Variants in DLGAP2 observed in about 807,000 individuals in gnomAD.
DLGAP2 encodes the protein DLG associated protein 2.
DLGAP2 carries 26 observed loss-of-function variants against 100.3 expected under a neutral mutation model. The ratio of observed to expected loss-of-function variants is 0.26; its 90% CI spans 0.19 to 0.36. The LOEUF is 0.36. DLGAP2 is among the 10% of genes least tolerant of loss of function. The pLI, the probability that DLGAP2 is intolerant of heterozygous loss-of-function variation, is 1.00. For missense variants in DLGAP2, 1,858 were observed against 1,453.2 expected (o/e 1.28, Z -4.53); for synonymous variants, 886 against 630.1 (o/e 1.41, Z -6.08).
At chr8:1,062,738 G>T (rs1383864476) in intron 2 of DLGAP2, among the ~76,000 whole-genome samples, 1 of 152,128 alleles carries the variant, frequency 6.6e-6, no homozygotes, top group Non-Finnish European at 1.5e-5. Context: ...GGGGTAGTTG[G>T]GGGGAGACTA....
intron 3 of DLGAP2, among the ~76,000 whole-genome samples, chr8:1,293,044 C>T (rs1563065444): frequency 6.6e-6 from 1 of 152,104 alleles, no homozygotes; most frequent in African/African-American, 2.4e-5. Flanking sequence ...CCTTTGAGTC[C>T]AAAGCAGCTG....
chr8:1,042,773 A>G (rs111742288), intron 2 of DLGAP2, among the ~76,000 whole-genome samples: 306 of 9,142 alleles, frequency 0.033, 6 homozygotes, highest in Admixed American at 0.065. Flanking sequence ...GATGTGGGTG[A>G]TGGATGTGGG....
intron 13 of DLGAP2, 88 bp from the exon 14 acceptor site, chr8:1,697,059 G>A: frequency 7.4e-7 from 1 of 1,350,336 alleles, no homozygotes; most frequent in Non-Finnish European, 9.7e-7. Context: ...TCCGCCTCTT[G>A]AAAGGCATGC....
rs182304376 is a variant in DLGAP2, at chr8:762,725, G to A, written c.18+24900G>A. 1.1e-4 allele frequency among the ~76,000 whole-genome samples: 17 copies of A among 152,006 alleles called. No homozygotes were observed. The East Asian group carries it at 2.0e-3, about 17-fold the overall frequency. On this transcript the variant is annotated intron_variant, in intron 1 of 14. Coordinates refer to ENST00000637795, the MANE Select transcript of DLGAP2 (RefSeq NM_001346810.2). ...CTCACTCTAGCCCAGGCTGGAGTGC[G>A]GTGGCACAGTCACCACAATCACAGC...
chr8:849,097 A>C (rs180856469), intron 1 of DLGAP2, among the ~76,000 whole-genome samples: 10 of 151,484 alleles, frequency 6.6e-5, no homozygotes, highest in Admixed American at 1.3e-4. Context: ...TGCATGTTCC[A>C]GTATAGGAAT....
intron 4 of DLGAP2, among the ~76,000 whole-genome samples, chr8:1,503,314 CA>C (rs2130332152): frequency 6.6e-6 from 1 of 151,576 alleles, no homozygotes; most frequent in African/African-American, 2.4e-5. Context: ...CTGGAACCCC[CA>C]TTCTGCTTTC....
chr8:1,514,802 G>T (rs1238853823), intron 4 of DLGAP2, among the ~76,000 whole-genome samples: 1 of 152,210 alleles, frequency 6.6e-6, no homozygotes, highest in Non-Finnish European at 1.5e-5. Context: ...GGACAGGAAA[G>T]GAAGGCCGGC....
chr8:1,210,976 G>A (rs1004237764), intron 2 of DLGAP2, among the ~76,000 whole-genome samples: 7 of 152,250 alleles, frequency 4.6e-5, no homozygotes, highest in Admixed American at 2.0e-4. Flanking sequence ...CCTCCCCAAC[G>A]TCCAGCGAGG....
At chr8:1,156,542 C>G (rs968287110) in intron 2 of DLGAP2, among the ~76,000 whole-genome samples, 1 of 152,174 alleles carries the variant, frequency 6.6e-6, no homozygotes, top group Non-Finnish European at 1.5e-5. Flanking sequence ...CCGACTCCCC[C>G]AAATCCCGGC....
chr8:1,288,743 GGTT>G (rs1308587828), intron 3 of DLGAP2, among the ~76,000 whole-genome samples: 12 of 145,344 alleles, frequency 8.3e-5, no homozygotes, highest in Admixed American at 6.2e-4. Flanking sequence ...GTGTGTGCGT[GGTT>G]GTTAGGAGGG....
chr8:852,377 G>A (rs1327979502), intron 1 of DLGAP2, among the ~76,000 whole-genome samples: 3 of 152,134 alleles, frequency 2.0e-5, no homozygotes, highest in Non-Finnish European at 4.4e-5. Flanking sequence ...TTTCACACGT[G>A]ATCTTCAGTT....
chr8:1,268,126 C>G (rs1799505902), intron 3 of DLGAP2, among the ~76,000 whole-genome samples: 1 of 152,104 alleles, frequency 6.6e-6, no homozygotes, highest in African/African-American at 2.4e-5. Context: ...AAATTTCTTT[C>G]TTTTTAAGAA....
At position 1,359,773 on chromosome 8, in the gene DLGAP2, C is replaced by G. The variant is rs138835277; in HGVS notation, c.106+100890C>G. Among the ~76,000 whole-genome samples the G allele has an allele frequency of 6.3e-4, 96 of 152,360 alleles. 1 individual carries two copies. The highest frequency in any genetic ancestry group is 5.0e-3 in the East Asian group (26 of 5,176). ...ATATTGGAGGGAGGGCATTAGTATT[C>G]CCTTGTTGTGATTTGGAAACTAAAT... is the stretch of plus-strand genomic sequence containing the variant. On this transcript the variant is annotated intron_variant, in intron 3 of 14. Coordinates refer to ENST00000637795, the MANE Select transcript of DLGAP2 (RefSeq NM_001346810.2).
chr8:1,577,567 C>CAAAAAAAAAA (rs10646663), intron 6 of DLGAP2, among the ~76,000 whole-genome samples: 2 of 105,818 alleles, frequency 1.9e-5, no homozygotes, highest in African/African-American at 7.9e-5. Flanking sequence ...CACTCTCTCT[C>CAAAAAAAAAA]AAAAAAAAAA....
intron 6 of DLGAP2, among the ~76,000 whole-genome samples, chr8:1,624,853 CT>C (rs1329520912): frequency 1.4e-5 from 2 of 144,554 alleles, no homozygotes; most frequent in Non-Finnish European, 3.0e-5. Flanking sequence ...CTTTCTCTCT[CT>C]CTCTCTCTCT....
intron 2 of DLGAP2, among the ~76,000 whole-genome samples, chr8:1,253,638 T>G (rs566622042): frequency 8.4e-6 from 1 of 118,874 alleles, no homozygotes; most frequent in East Asian, 2.5e-4. Context: ...ATGAGCCGGT[T>G]CTCAGCGGGC....
chr8:1,198,793 G>A (rs1797808191), intron 2 of DLGAP2, among the ~76,000 whole-genome samples: 1 of 152,238 alleles, frequency 6.6e-6, no homozygotes, highest in African/African-American at 2.4e-5. Context: ...CCTCGGGAGT[G>A]AGCCCTACAG....
intron 2 of DLGAP2, among the ~76,000 whole-genome samples, chr8:965,647 G>C (rs7012423): frequency 0.011 from 1,202 of 112,218 alleles, 1 homozygote; most frequent in Middle Eastern, 0.05. Context: ...TCACCACACA[G>C]GGCTCCTGAG....
chr8:1,306,362 C>T (rs1800491302), intron 3 of DLGAP2, among the ~76,000 whole-genome samples: 1 of 151,918 alleles, frequency 6.6e-6, no homozygotes, highest in Non-Finnish European at 1.5e-5. Flanking sequence ...ACCCAAAATT[C>T]TTAGAAATAA....
Sources: allele counts gnomAD v4.1 joint callset (sites outside exome capture counted in the v4.1 genomes callset), GRCh38; gene constraint gnomAD v4.1.1; transcripts MANE v1.5; gene names NCBI Gene and HGNC (gene_info 2026-07-23, HGNC 2026-07-21).